Variants in MDFIC2 observed in about 807,000 individuals in gnomAD.
The protein encoded by MDFIC2 is myoD family inhibitor domain-containing protein 2.
intron 2 of MDFIC2, among the ~76,000 whole-genome samples, chr3:70,308,581 C>G (rs116640697): frequency 0.014 from 2,081 of 152,178 alleles, 46 homozygotes; most frequent in African/African-American, 0.048. Context: ...AAGTCAAGGG[C>G]AATTAGGAGC....
chr3:70,204,900 A>G (rs1374558954), intron 3 of MDFIC2: 1 of 152,110 alleles, frequency 6.6e-6, no homozygotes, highest in South Asian at 2.1e-4. Context: ...TATTCACATG[A>G]TGAGTAGCAT....
chr3:70,235,097 T>A (rs1445321579), intron 2 of MDFIC2, among the ~76,000 whole-genome samples: 2 of 152,298 alleles, frequency 1.3e-5, no homozygotes, highest in South Asian at 4.1e-4. Context: ...TGTTCCTTTA[T>A]GTTTTTTTCC....
intron 2 of MDFIC2, among the ~76,000 whole-genome samples, chr3:70,260,932 G>A (rs1701860142): frequency 6.6e-6 from 1 of 152,054 alleles, no homozygotes; most frequent in Admixed American, 6.6e-5. Flanking sequence ...TGGAGAAACT[G>A]AGTCCAGGGA....
intron 2 of MDFIC2, among the ~76,000 whole-genome samples, chr3:70,295,849 A>T (rs1281081184): frequency 1.3e-5 from 2 of 152,086 alleles, no homozygotes; most frequent in Non-Finnish European, 2.9e-5. Flanking sequence ...TATGAAGCTG[A>T]ATGTGGTTTA....
At chr3:70,255,376 T>G (rs1701806350) in intron 2 of MDFIC2, among the ~76,000 whole-genome samples, 1 of 152,178 alleles carries the variant, frequency 6.6e-6, no homozygotes, top group South Asian at 2.1e-4. Context: ...TGACATTTGG[T>G]TCATAATAAG....
chr3:70,204,013 A>G (rs1701267386), intron 3 of MDFIC2, among the ~76,000 whole-genome samples: 1 of 152,176 alleles, frequency 6.6e-6, no homozygotes, highest in African/African-American at 2.4e-5. Context: ...GATGTGCAGT[A>G]AAGATCCTTT....
rs147227219 is a variant in MDFIC2 at position 70,281,490 on chromosome 3, T to G, written c.88+30396A>C. On this transcript the variant is annotated intron_variant, in intron 2 of 3. Transcript: ENST00000567252. ...AGTTTCTTGGGTTCTCTGACATGCATTTTCCTTAAAGTCTCTTTAATAGTA... is the reference window on the plus strand; with the variant it reads ...AGTTTCTTGGGTTCTCTGACATGCAGTTTCCTTAAAGTCTCTTTAATAGTA... Among the ~76,000 whole-genome samples, 188 of 152,302 alleles carry G rather than the reference T, an allele frequency of 1.2e-3. 1 individual carries two copies. Among genetic ancestry groups the G allele is most frequent in the African/African-American group, 4.4e-3 (182 of 41,566 alleles).
chr3:70,218,576 G>T (rs1456030945), intron 2 of MDFIC2, among the ~76,000 whole-genome samples: 1 of 152,086 alleles, frequency 6.6e-6, no homozygotes, highest in Non-Finnish European at 1.5e-5. Context: ...GGCCTGAGTA[G>T]ACTTTTCCTC....
At chr3:70,203,816 T>A (rs1186039435) in intron 3 of MDFIC2, among the ~76,000 whole-genome samples, 1 of 152,298 alleles carries the variant, frequency 6.6e-6, no homozygotes, top group South Asian at 2.1e-4. Flanking sequence ...TTAAGGGGAC[T>A]GTTTTCTAAT....
chr3:70,290,120 TAGG>T (rs1045366514), intron 2 of MDFIC2, among the ~76,000 whole-genome samples: 74 of 152,182 alleles, frequency 4.9e-4, no homozygotes, highest in African/African-American at 1.8e-3. Flanking sequence ...CGTTCCTTTG[TAGG>T]AGGAGAGGCG....
chr3:70,291,869 G>C (rs1396390995), intron 2 of MDFIC2: 1 of 152,210 alleles, frequency 6.6e-6, no homozygotes, highest in African/African-American at 2.4e-5. Context: ...CTTCCTGGAA[G>C]AATGTAGGAG....
At chr3:70,238,614 A>G (rs1187116836) in intron 2 of MDFIC2, among the ~76,000 whole-genome samples, 1 of 151,758 alleles carries the variant, frequency 6.6e-6, no homozygotes, top group East Asian at 2.0e-4. Context: ...TGTCTCAAAA[A>G]AGAAAAAAAA....
chr3:70,264,407 T>C (rs4974283), intron 2 of MDFIC2, among the ~76,000 whole-genome samples: 84,571 of 152,074 alleles, frequency 0.56, 24,063 homozygotes, highest in Non-Finnish European at 0.62. Flanking sequence ...CAACAGGGCT[T>C]ATCCAATGAC....
chr3:70,302,299 A>G (rs1320464440), intron 2 of MDFIC2, among the ~76,000 whole-genome samples: 1 of 152,044 alleles, frequency 6.6e-6, no homozygotes, highest in Non-Finnish European at 1.5e-5. Flanking sequence ...CACCTAGTGT[A>G]GGTGCATTTT....
intron 2 of MDFIC2, among the ~76,000 whole-genome samples, chr3:70,280,136 C>T (rs1702066073): frequency 6.6e-6 from 1 of 152,108 alleles, no homozygotes; most frequent in Non-Finnish European, 1.5e-5. Context: ...TGGGGGCTGC[C>T]TGCATTTCCT....
At position 70,224,536 on chromosome 3, in the gene MDFIC2, T is replaced by C. The variant is rs555895573; in HGVS notation, c.89-17746A>G. Among the ~76,000 whole-genome samples the C allele has an allele frequency of 1.1e-4, 16 of 152,302 alleles. No individual in the cohort carries two copies. The South Asian group carries it at 3.3e-3, about 32-fold the overall frequency. ...AGATAGGAAAGCACCCTGCAGAGGA[T>C]ACATTTAACACAACACTATAATTTC... On this transcript the variant is annotated intron_variant, in intron 2 of 3. Coordinates refer to ENST00000567252, the MANE Select transcript of MDFIC2 (RefSeq NM_001364677.1).
At chr3:70,305,627 C>T (rs1049699895) in intron 2 of MDFIC2, among the ~76,000 whole-genome samples, 1 of 152,150 alleles carries the variant, frequency 6.6e-6, no homozygotes, top group Non-Finnish European at 1.5e-5. Flanking sequence ...TCTCTGCGTT[C>T]AAGAGGAGCC....
chr3:70,234,238 TA>T (rs1313436351), intron 2 of MDFIC2, among the ~76,000 whole-genome samples: 1 of 152,192 alleles, frequency 6.6e-6, no homozygotes, highest in Non-Finnish European at 1.5e-5. Context: ...GGTTGACACC[TA>T]AAAAATACAT....
chr3:70,290,598 T>A (rs1325348760), intron 2 of MDFIC2, among the ~76,000 whole-genome samples: 2 of 152,148 alleles, frequency 1.3e-5, no homozygotes, highest in Non-Finnish European at 2.9e-5. Flanking sequence ...CCAGTTCGAG[T>A]TTCCGGGCTG....
Sources: gnomAD v4.1 joint callset for allele counts (sites outside exome capture counted in the v4.1 genomes callset) on GRCh38, gnomAD v4.1.1 for gene constraint, MANE v1.5 for transcripts, NCBI Gene and HGNC (gene_info 2026-07-23, HGNC 2026-07-21) for gene names.